MB: variants seen among roughly 807,000 people sequenced by gnomAD.
MB encodes the protein myoglobin, also known as nitrite reductase MB.
Under a neutral mutation model 14.5 loss-of-function variants are expected in MB, and 10 were observed. The ratio of observed to expected loss-of-function variants is 0.69; its 90% CI spans 0.43 to 1.17. The LOEUF is 1.17. MB is among the 50% of genes most tolerant of loss of function. The probability of loss-of-function intolerance (pLI) is 0.00; values close to 1 mark genes in which losing one functional copy is unlikely to be tolerated. For missense variants in MB, 169 were observed against 192.7 expected (o/e 0.88, Z 0.73); for synonymous variants, 89 against 78.6 (o/e 1.13, Z -0.70).
chr22:35,623,003 G>A (rs1231149544), intron 1 of MB, among the ~76,000 whole-genome samples: 2 of 152,146 alleles, frequency 1.3e-5, no homozygotes, highest in Non-Finnish European at 2.9e-5. Context: ...TGTCTGGACT[G>A]GCTTCTCCCC....
At chr22:35,607,481 T>A (rs754424779) in intron 2 of MB, 38 bp from the exon 3 acceptor site, 1 of 1,604,468 alleles carries the variant, frequency 6.2e-7, no homozygotes, top group Non-Finnish European at 8.5e-7. Context: ...GTCACCAGGG[T>A]GGGACAAGCC....
intron 1 of MB, among the ~76,000 whole-genome samples, chr22:35,616,086 GA>G (rs1333899192): frequency 1.3e-5 from 2 of 152,172 alleles, no homozygotes; most frequent in Non-Finnish European, 2.9e-5. Context: ...CAAATAAGGA[GA>G]AATTAATCTG....
chr22:35,617,815 A>G (rs1338765014), upstream of MB, among the ~76,000 whole-genome samples: 1 of 152,134 alleles, frequency 6.6e-6, no homozygotes, highest in Non-Finnish European at 1.5e-5. Flanking sequence ...ACAGAAAGGA[A>G]CCGGATGGTT....
upstream of MB, among the ~76,000 whole-genome samples, chr22:35,618,276 T>C (rs564787746): frequency 8.5e-5 from 13 of 152,354 alleles, no homozygotes; most frequent in East Asian, 1.2e-3. Context: ...TTTGCAGTTT[T>C]CAGGAGGGCA....
rs1923138130 is a variant in MB at position 35,617,197 on chromosome 22, C to T, written c.61G>A (p.Asp21Asn). 6.2e-7 allele frequency: 1 copy of T among 1,614,152 alleles called. No homozygotes were observed. Among genetic ancestry groups the T allele is most frequent in the East Asian group, 2.2e-5 (1 of 44,878 alleles). Residue 21 changes from aspartate to asparagine, a missense_variant, in exon 1 of 3, where the codon GAC (aspartate) becomes AAC (asparagine). By Grantham distance (23) the Asp-to-Asn change is conservative (BLOSUM62 1). Coordinates refer to ENST00000397326, the MANE Select transcript of MB (RefSeq NM_005368.3). ...ACTTCCTGCCCATGGCCTGGGATGT[C>T]AGCCTCCACCTTCCCCCAGACGTTC... ...VLNVWGKVEA[D>N]IPGHGQEVLI...
intron 1 of MB, among the ~76,000 whole-genome samples, chr22:35,622,762 C>G (rs933010779): frequency 6.6e-6 from 1 of 151,984 alleles, no homozygotes; most frequent in African/African-American, 2.4e-5. Context: ...AGTGGCTCCT[C>G]CAGCTCCACC....
intron 1 of MB, among the ~76,000 whole-genome samples, chr22:35,612,466 C>T (rs2145916467): frequency 6.6e-6 from 1 of 152,148 alleles, no homozygotes; most frequent in Middle Eastern, 3.4e-3. Flanking sequence ...TGCAGTGGTG[C>T]AATCTCTGCT....
At chr22:35,616,721 C>T (rs184621914) in intron 1 of MB, among the ~76,000 whole-genome samples, 1 of 152,274 alleles carries the variant, frequency 6.6e-6, no homozygotes, top group East Asian at 1.9e-4. Context: ...AAGTCTAGAA[C>T]CAGATCTGTC....
intron 1 of MB, among the ~76,000 whole-genome samples, chr22:35,612,996 T>C (rs961062059): frequency 1.3e-5 from 2 of 152,144 alleles, no homozygotes; most frequent in African/African-American, 4.8e-5. Context: ...TTGGGCATGG[T>C]CTGCCGCCGT....
At chr22:35,613,100 G>C (rs936244478) in intron 1 of MB, among the ~76,000 whole-genome samples, 18 of 152,228 alleles carry the variant, frequency 1.2e-4, no homozygotes, top group African/African-American at 4.1e-4. Flanking sequence ...GGGTCCCTGA[G>C]CTCCTGACTA....
At chr22:35,614,850 T>G (rs757188703) in intron 1 of MB, among the ~76,000 whole-genome samples, 2 of 152,160 alleles carry the variant, frequency 1.3e-5, no homozygotes, top group East Asian at 3.9e-4. Context: ...TAATGAGAAG[T>G]AGTGACCACC....
chr22:35,617,441 C>A, upstream of MB: 2 of 597,990 alleles, frequency 3.3e-6, no homozygotes, highest in Non-Finnish European at 6.0e-6. Flanking sequence ...CTCTCTCATC[C>A]AGGGAGGGTC....
chr22:35,610,517 G>A (rs548491941), intron 2 of MB, among the ~76,000 whole-genome samples: 2 of 152,272 alleles, frequency 1.3e-5, no homozygotes, highest in South Asian at 2.1e-4. Context: ...TCCTGTGACC[G>A]TGGACAAGCT....
chr22:35,609,074 G>C (rs1922376819), intron 2 of MB, among the ~76,000 whole-genome samples: 3 of 152,144 alleles, frequency 2.0e-5, no homozygotes, highest in Admixed American at 2.0e-4. Flanking sequence ...TGATATCTTG[G>C]CTGCATGGTT....
upstream of MB, among the ~76,000 whole-genome samples, chr22:35,621,731 T>G (rs927531732): frequency 3.9e-5 from 6 of 152,204 alleles, no homozygotes; most frequent in African/African-American, 1.4e-4. Context: ...CTTGGGGATA[T>G]AGAGGCCCAG....
Position 35,610,933 on chromosome 22 carries a change from AG to A in MB, c.268del (p.Leu90TrpfsTer13). 6.2e-7 allele frequency: 1 copy of A among 1,614,142 alleles called. No homozygotes were observed. Among genetic ancestry groups the A allele is most frequent in the South Asian group, 1.1e-5 (1 of 91,074 alleles). On this transcript the variant is annotated frameshift_variant, in exon 2 of 3. Coordinates refer to ENST00000397326, the MANE Select transcript of MB (RefSeq NM_005368.3). LOFTEE classifies it high-confidence loss of function. Reference sequence around the variant, plus strand: ...GTGCTTGGTGGCATGCGACTGTGCCAGGGGCTTAATCTCTGCCTCATGATGC... The same window carrying A: ...GTGCTTGGTGGCATGCGACTGTGCCAGGGCTTAATCTCTGCCTCATGATGC... ...KGHHEAEIKP[L>X]AQSHATKHKI... is the part of the protein sequence containing the mutation.
chr22:35,615,414 T>C (rs976852743), intron 1 of MB, among the ~76,000 whole-genome samples: 1 of 152,198 alleles, frequency 6.6e-6, no homozygotes, highest in South Asian at 2.1e-4. Flanking sequence ...CTAGGCATTA[T>C]GTCTTATCCC....
chr22:35,610,118 T>C (rs2145912602), intron 2 of MB, among the ~76,000 whole-genome samples: 1 of 152,310 alleles, frequency 6.6e-6, no homozygotes, highest in Non-Finnish European at 1.5e-5. Flanking sequence ...CTGCTGTTTC[T>C]ACCCTCGGGG....
In MB at chr22:35,611,049, C is replaced by T. The variant is rs781339668; in HGVS notation, c.153G>A (p.Lys51=). ...LEKFDKFKHL[K]SEDEMKASED... is the part of the protein sequence containing the mutation. ...CAGACGCCTTCATCTCGTCCTCTGA[C>T]TTCAGGTGCTTGAACTTGTCAAACT... is the stretch of plus-strand genomic sequence containing the variant. Residue 51 remains lysine (K), a synonymous_variant, in exon 2 of 3, where the codon AAG becomes AAA. Coordinates refer to ENST00000397326, the MANE Select transcript of MB (RefSeq NM_005368.3). 6.2e-7 allele frequency: 1 copy of T among 1,614,166 alleles called. No individual in the cohort carries two copies. Among genetic ancestry groups the T allele is most frequent in the Non-Finnish European group, 8.5e-7 (1 of 1,180,018 alleles).
Sources: gnomAD v4.1 joint callset for allele counts (sites outside exome capture counted in the v4.1 genomes callset) on GRCh38, gnomAD v4.1.1 for gene constraint, MANE v1.5 for transcripts, NCBI Gene and HGNC (gene_info 2026-07-23, HGNC 2026-07-21) for gene names.